PCDH9: variants seen among roughly 807,000 people sequenced by gnomAD.
PCDH9 encodes the protein protocadherin 9.
Under a neutral mutation model 70.6 loss-of-function variants are expected in PCDH9, and 24 were observed. The observed-to-expected ratio is 0.34, with a 90% CI of 0.25 to 0.48. PCDH9 has a LOEUF of 0.48. PCDH9 is among the 20% of genes least tolerant of loss of function. The probability of loss-of-function intolerance (pLI) is 0.99; values close to 1 mark genes in which losing one functional copy is unlikely to be tolerated. For missense variants in PCDH9, 1,281 were observed against 1,503.6 expected, an observed-to-expected ratio of 0.85 and a Z score of 2.45; for synonymous variants, 562 against 558.5, an observed-to-expected ratio of 1.01 and a Z score of -0.09.
rs113412293 is a variant in PCDH9, at chr13:66,692,945, G to A, written c.3139-61534C>T. 1.3e-3 allele frequency among the ~76,000 whole-genome samples: 194 copies of A among 152,140 alleles called. 1 individual carries two copies. The highest frequency in any genetic ancestry group is 4.4e-3 in the African/African-American group (182 of 41,536). On this transcript the variant is annotated intron_variant, in intron 3 of 4. Coordinates refer to ENST00000377865, the MANE Select transcript of PCDH9 (RefSeq NM_203487.3). ...TGTACAAGCAAGCCTATGATACAAG[G>A]AACAAAATAGGAAACAATGGGTACG...
intron 3 of PCDH9, 107 bp downstream of exon 3, chr13:66,903,397 A>G: frequency 2.2e-6 from 1 of 451,768 alleles, no homozygotes; most frequent in Non-Finnish European, 4.1e-6. Flanking sequence ...GTGACCACAG[A>G]AGAGATGGGC....
intron 2 of PCDH9, among the ~76,000 whole-genome samples, chr13:67,018,046 G>A (rs1011302189): frequency 5.3e-5 from 8 of 152,052 alleles, no homozygotes; most frequent in Non-Finnish European, 1.0e-4. Flanking sequence ...ATTTTTCTTT[G>A]ATTAGAAGCA....
chr13:66,355,990 C>T (rs1351232556), intron 4 of PCDH9, among the ~76,000 whole-genome samples: 1 of 151,926 alleles, frequency 6.6e-6, no homozygotes, highest in Non-Finnish European at 1.5e-5. Flanking sequence ...TATTTTTAAA[C>T]TACTTTTAAG....
chr13:66,544,320 G>A (rs908606574), intron 4 of PCDH9, among the ~76,000 whole-genome samples: 1 of 152,164 alleles, frequency 6.6e-6, no homozygotes, highest in Non-Finnish European at 1.5e-5. Flanking sequence ...GGACATGCCT[G>A]ACTCTTATAT....
chr13:66,710,469 G>T (rs2139128313), intron 3 of PCDH9, among the ~76,000 whole-genome samples: 1 of 152,194 alleles, frequency 6.6e-6, no homozygotes, highest in Middle Eastern at 3.4e-3. Context: ...TTTCCAACTG[G>T]GAAGCCTTTA....
intron 3 of PCDH9, among the ~76,000 whole-genome samples, chr13:66,780,661 G>A (rs933340007): frequency 2.0e-5 from 3 of 151,836 alleles, no homozygotes; most frequent in South Asian, 2.1e-4. Context: ...ACAATTCCCC[G>A]TGATACTTAT....
chr13:66,955,411 G>A (rs138663887), intron 2 of PCDH9, among the ~76,000 whole-genome samples: 25 of 152,326 alleles, frequency 1.6e-4, no homozygotes, highest in African/African-American at 5.8e-4. Context: ...GAGCCAGGAA[G>A]AGTCATCATT....
chr13:66,895,683 A>G (rs972383047), intron 3 of PCDH9, among the ~76,000 whole-genome samples: 2 of 152,228 alleles, frequency 1.3e-5, no homozygotes, highest in Admixed American at 6.5e-5. Flanking sequence ...CTTGCAAGGC[A>G]GCTGTATTTT....
intron 4 of PCDH9, among the ~76,000 whole-genome samples, chr13:66,519,846 C>T (rs1198473536): frequency 1.3e-5 from 2 of 152,158 alleles, no homozygotes; most frequent in Admixed American, 6.6e-5. Context: ...GCTTTACAGA[C>T]TTTGAGCTTC....
intron 2 of PCDH9, among the ~76,000 whole-genome samples, chr13:67,019,279 C>T (rs556779622): frequency 5.4e-5 from 8 of 148,580 alleles, no homozygotes; most frequent in South Asian, 2.2e-4. Flanking sequence ...CTGCAAGCTC[C>T]GCCTCCCGGG....
intron 2 of PCDH9, chr13:67,207,329 A>G (rs1228479680): frequency 1.3e-5 from 2 of 152,176 alleles, no homozygotes; most frequent in Non-Finnish European, 2.9e-5. Flanking sequence ...CGCAGTGTCT[A>G]AGACTGCTAG....
At chr13:66,607,121 A>G (rs957294926) in intron 4 of PCDH9, among the ~76,000 whole-genome samples, 2 of 152,148 alleles carry the variant, frequency 1.3e-5, no homozygotes, top group Non-Finnish European at 2.9e-5. Context: ...TTAAGATTAA[A>G]AATAAAACAT....
At chr13:66,620,522 T>C (rs2077409354) in intron 4 of PCDH9, among the ~76,000 whole-genome samples, 1 of 152,144 alleles carries the variant, frequency 6.6e-6, no homozygotes, top group African/African-American at 2.4e-5. Context: ...GTAAGATCTA[T>C]TCATCCCATG....
chr13:67,021,531 G>A (rs1391745914), intron 2 of PCDH9, among the ~76,000 whole-genome samples: 1 of 152,112 alleles, frequency 6.6e-6, no homozygotes, highest in Non-Finnish European at 1.5e-5. Context: ...ATGCCACTAT[G>A]AATGTGCTCA....
chr13:66,617,676 G>A (rs559912016), intron 4 of PCDH9, among the ~76,000 whole-genome samples: 19 of 152,212 alleles, frequency 1.2e-4, no homozygotes, highest in African/African-American at 3.1e-4. Context: ...AAAAGGCCTC[G>A]GAATTTTTGA....
chr13:67,060,599 A>G lies in PCDH9; in HGVS notation c.3037-156994T>C, dbSNP rs531119322. 1.2e-4 allele frequency among the ~76,000 whole-genome samples: 18 copies of G among 152,188 alleles called. No individual in the cohort carries two copies. The South Asian group carries it at 2.9e-3, about 25-fold the overall frequency. On this transcript the variant is annotated intron_variant, in intron 2 of 4. Transcript: ENST00000377865. ...CATTTCCATTCTCACTGCCAGCACC[A>G]TAATTCTGACAATTATCACCATATA...
At chr13:67,197,248 T>A (rs2089089609) in intron 2 of PCDH9, among the ~76,000 whole-genome samples, 1 of 151,984 alleles carries the variant, frequency 6.6e-6, no homozygotes, top group Non-Finnish European at 1.5e-5. Context: ...ATTTCATCAA[T>A]GTGATCAATG....
intron 3 of PCDH9, among the ~76,000 whole-genome samples, chr13:66,786,112 T>C (rs572794852): frequency 1.8e-4 from 28 of 152,194 alleles, no homozygotes; most frequent in Non-Finnish European, 2.9e-4. Flanking sequence ...AATGTTCCCC[T>C]GGTTACATGG....
At chr13:66,837,270 G>A (rs1403068954) in intron 3 of PCDH9, among the ~76,000 whole-genome samples, 2 of 152,180 alleles carry the variant, frequency 1.3e-5, no homozygotes, top group East Asian at 3.9e-4. Context: ...AATAAATACA[G>A]AGCATTTAAA....
Sources: allele counts gnomAD v4.1 joint callset (sites outside exome capture counted in the v4.1 genomes callset), GRCh38; gene constraint gnomAD v4.1.1; transcripts MANE v1.5; gene names NCBI Gene and HGNC (gene_info 2026-07-23, HGNC 2026-07-21).